Variants in ERCC2 observed in about 807,000 individuals in gnomAD.
ERCC2 encodes ERCC excision repair 2, TFIIH core complex helicase subunit.
In ERCC2, 90 loss-of-function variants were observed where a neutral mutation model predicts 99.4. The observed-to-expected ratio is 0.91, with a 90% CI of 0.76 to 1.08. The LOEUF is 1.08. Ranked by LOEUF, ERCC2 falls within the 50% of genes least tolerant of loss-of-function variation. The probability of loss-of-function intolerance (pLI) is 0.00; values close to 1 mark genes in which losing one functional copy is unlikely to be tolerated. For missense variants in ERCC2, 993 were observed against 1,038.1 expected (o/e 0.96, Z 0.60); for synonymous variants, 497 against 432.4 (o/e 1.15, Z -1.85).
In ERCC2 at chr19:45,351,071, GATGAGGCAA is replaced by G; in HGVS notation, c.*549_*557del. 6.2e-7 allele frequency: 1 copy of G among 1,613,812 alleles called. No homozygotes were observed. The highest frequency in any genetic ancestry group is 8.5e-7 in the Non-Finnish European group (1 of 1,179,888). On this transcript the variant is annotated 3_prime_UTR_variant, in exon 23 of 23. Coordinates refer to ENST00000391945, the MANE Select transcript of ERCC2 (RefSeq NM_000400.4). ...AGGAGGCCATGTGGGTAGGTGCAGA[GATGAGGCAA>G]AGGCAGGGCGGTCGGGCCAGTGGTG...
At chr19:45,364,808 C>G (rs761492594) in intron 7 of ERCC2, 30 bp downstream of exon 7, 24 of 1,542,576 alleles carry the variant, frequency 1.6e-5, no homozygotes, top group Non-Finnish European at 2.2e-5. Flanking sequence ...CTCACACTCG[C>G]CCCTCTGCCC....
intron 15 of ERCC2, among the ~76,000 whole-genome samples, chr19:45,356,379 TAC>T (rs1972013401): frequency 6.6e-6 from 1 of 152,214 alleles, no homozygotes; most frequent in African/African-American, 2.4e-5. Context: ...AGGCCTGACT[TAC>T]TCCTTAGTGT....
rs1293500658 is a variant in ERCC2, at chr19:45,354,817, C to T, written c.1578G>A (p.Glu526=). 4.3e-6 allele frequency: 7 copies of T among 1,614,128 alleles called. No homozygotes were observed. In the East Asian group the frequency reaches 1.6e-4, roughly 36 times the overall value. ...TGCCATCAGGGACCACAGCGGACAT[C>T]TCCAGCAGGAGGTTCCCATAGTTCC... ...VIRNYGNLLL[E]MSAVVPDGIV... The change falls in exon 17 of 23, where the codon GAG becomes GAA. Residue 526 remains glutamate (E), a synonymous_variant. Transcript: ENST00000391945.
intron 11 of ERCC2, among the ~76,000 whole-genome samples, chr19:45,362,538 G>T (rs1424120622): frequency 6.6e-6 from 1 of 152,208 alleles, no homozygotes; most frequent in Non-Finnish European, 1.5e-5. Context: ...GAAGCCAGGT[G>T]GGCAGTCACA....
At chr19:45,363,247 T>G (rs1490074397) in intron 11 of ERCC2, among the ~76,000 whole-genome samples, 2 of 152,090 alleles carry the variant, frequency 1.3e-5, no homozygotes, top group Admixed American at 6.5e-5. Context: ...CCCTCAGGTT[T>G]GGAAGATTAG....
At position 45,368,695 on chromosome 19, in the gene ERCC2, C is replaced by A; in HGVS notation, c.295G>T (p.Gly99Cys). 1 of 1,614,086 alleles carries A rather than the reference C, an allele frequency of 6.2e-7. No individual in the cohort carries two copies. Among genetic ancestry groups the A allele is most frequent in the Non-Finnish European group, 8.5e-7 (1 of 1,179,984 alleles). The change falls in exon 5 of 23, where the codon GGC becomes TGC. Residue 99 changes from glycine to cysteine, a missense_variant. Physicochemically the swap from Gly to Cys is radical, Grantham distance 159. This residue lies in a region of ERCC2 where 909 missense variants were observed against 930.8 expected (regional missense o/e 0.98). Coordinates refer to ENST00000391945, the MANE Select transcript of ERCC2 (RefSeq NM_000400.4). ...KLLNFYEKQEGEKLPFLGLAL... is the reference protein window; with the variant it reads ...KLLNFYEKQECEKLPFLGLAL... The stretch of plus-strand genomic sequence containing the variant: ...AGTCCCAGAAACGGCAGCTTCTCGC[C>A]CTCCTGCTTCTCATAGAAGTTGAGC...
chr19:45,350,324 C>T lies in ERCC2; in HGVS notation c.*1305G>A, dbSNP rs760592061. On this transcript the variant is annotated 3_prime_UTR_variant, in exon 23 of 23. Coordinates refer to ENST00000391945, the MANE Select transcript of ERCC2 (RefSeq NM_000400.4). Reference sequence around the variant, plus strand: ...AACTGGGGTCCGAAAAGTTCCCAGACACTCCCTTCTCCGCAGGCCTCAGCC... The same window carrying T: ...AACTGGGGTCCGAAAAGTTCCCAGATACTCCCTTCTCCGCAGGCCTCAGCC... 4.2e-5 allele frequency: 68 copies of T among 1,608,528 alleles called. No individual in the cohort carries two copies. The highest frequency in any genetic ancestry group is 5.2e-5 in the Non-Finnish European group (61 of 1,177,058).
chr19:45,351,301 C>A lies in ERCC2; in HGVS notation c.*328G>T, dbSNP rs201873145. 69 of 1,612,702 alleles carry A rather than the reference C, an allele frequency of 4.3e-5. No homozygotes were observed. The African/African-American group carries it at 8.5e-4, about 20-fold the overall frequency. ...CTGTCTCCAGTTTCCCAGCTGGCAC[C>A]TGGACAAGGCCCCTCGGACCCTCAG... On this transcript the variant is annotated 3_prime_UTR_variant, in exon 23 of 23. Transcript: ENST00000391945.
At chr19:45,360,403 A>G (rs1477434708) in intron 12 of ERCC2, among the ~76,000 whole-genome samples, 3 of 126,486 alleles carry the variant, frequency 2.4e-5, no homozygotes, top group Non-Finnish European at 4.9e-5. Flanking sequence ...TTTGAGACGA[A>G]GTCTTGCTCT....
chr19:45,365,601 A>G (rs757362417), intron 5 of ERCC2, among the ~76,000 whole-genome samples: 4 of 151,980 alleles, frequency 2.6e-5, no homozygotes, highest in Non-Finnish European at 5.9e-5. Context: ...ACAGAGTGAG[A>G]CACCATCTCA....
rs779381865 is a variant in ERCC2, at chr19:45,363,881, T to A, written c.980A>T (p.Glu327Val). ...EAVPGSIRTA[E>V]HFLGFLRRLL... ...CCGCCTCAGGAAGCCCAGGAAATGCTCGGCCGTGCGGATGGAGCCAGGCAC... is the reference window on the plus strand; with the variant it reads ...CCGCCTCAGGAAGCCCAGGAAATGCACGGCCGTGCGGATGGAGCCAGGCAC... The change falls in exon 11 of 23, where the codon GAG becomes GTG. Residue 327 changes from glutamate to valine, a missense_variant. By Grantham distance (121) the Glu-to-Val change is moderately radical. Around this residue, in one of 3 missense-constraint regions of ERCC2, gnomAD observed 909 missense variants for 930.8 expected, o/e 0.98. Coordinates refer to ENST00000391945, the MANE Select transcript of ERCC2 (RefSeq NM_000400.4). The A allele has an allele frequency of 3.9e-6, 6 of 1,550,936 alleles. No homozygotes were observed. Among genetic ancestry groups the A allele is most frequent in the African/African-American group, 1.4e-5 (1 of 73,682 alleles).
At chr19:45,354,204 C>G (rs1971933519) in intron 17 of ERCC2, among the ~76,000 whole-genome samples, 1 of 152,214 alleles carries the variant, frequency 6.6e-6, no homozygotes. Flanking sequence ...CCCTCCCACC[C>G]ATGTCCTGCT....
At position 45,351,350 on chromosome 19, in the gene ERCC2, C is replaced by T. The variant is rs1390465451; in HGVS notation, c.*279G>A. The stretch of plus-strand genomic sequence containing the variant: ...AGCGCCAGCACCCAGGACCTGAGCC[C>T]CCACTAACGTCCAGTGAACTGCGCT... On this transcript the variant is annotated 3_prime_UTR_variant, in exon 23 of 23. Transcript: ENST00000391945. 1 of 1,611,208 alleles carries T rather than the reference C, an allele frequency of 6.2e-7. No homozygotes were observed. The highest frequency in any genetic ancestry group is 1.1e-5 in the South Asian group (1 of 91,074).
rs1200340513 is a variant in ERCC2, at chr19:45,363,340, C to T, written c.1118+403G>A. 2.0e-5 allele frequency among the ~76,000 whole-genome samples: 3 copies of T among 152,160 alleles called. No homozygotes were observed. In the East Asian group the frequency reaches 5.8e-4, roughly 29 times the overall value. ...AGGCCCTGGTACTGGTTTCTGCTCC[C>T]AGCAGAAGCCCCTGTCCAGGCCCCC... On this transcript the variant is annotated intron_variant, in intron 11 of 22. Coordinates refer to ENST00000391945, the MANE Select transcript of ERCC2 (RefSeq NM_000400.4).
chr19:45,358,697 C>T (rs998135961), intron 12 of ERCC2: 10 of 669,332 alleles, frequency 1.5e-5, no homozygotes, highest in Non-Finnish European at 2.5e-5. Context: ...AAAAGTCAGC[C>T]CCTCCGAGAG....
intron 5 of ERCC2, among the ~76,000 whole-genome samples, chr19:45,366,323 G>GT (rs899499948): frequency 2.0e-5 from 3 of 151,894 alleles, no homozygotes; most frequent in Non-Finnish European, 2.9e-5. Context: ...TGTCTTTTTA[G>GT]TAGAGACAGG....
intron 1 of ERCC2, 71 bp downstream of exon 1, chr19:45,370,465 G>T: frequency 1.4e-6 from 2 of 1,430,362 alleles, no homozygotes; most frequent in Non-Finnish European, 1.9e-6. Flanking sequence ...ACCCAGGCGC[G>T]CCCACCGATG....
At position 45,350,978 on chromosome 19, in the gene ERCC2, C is replaced by T. The variant is rs781371770; in HGVS notation, c.*651G>A. 1 of 1,614,156 alleles carries T rather than the reference C, an allele frequency of 6.2e-7. No homozygotes were observed. On this transcript the variant is annotated 3_prime_UTR_variant, in exon 23 of 23. Coordinates refer to ENST00000391945, the MANE Select transcript of ERCC2 (RefSeq NM_000400.4). The stretch of plus-strand genomic sequence containing the variant: ...GAATGAAGAGAGCCATGTCACTCAA[C>T]ACACTGAACGTGGATGCTCCAAGGG...
Position 45,351,391 on chromosome 19 carries a change from G to A in ERCC2, c.*238C>T, listed in dbSNP as rs538721827. On this transcript the variant is annotated 3_prime_UTR_variant, in exon 23 of 23. Transcript: ENST00000391945. ...GAACTGCGCTGGCCGCAGCTTCTTG[G>A]GAACAGTGCAGGAGGGATGGGCTGG... The A allele has an allele frequency of 5.7e-5, 91 of 1,606,420 alleles. No individual in the cohort carries two copies. The South Asian group carries it at 9.3e-4, about 16-fold the overall frequency.
Sources: allele counts gnomAD v4.1 joint callset (sites outside exome capture counted in the v4.1 genomes callset), GRCh38; gene constraint gnomAD v4.1.1; regional missense constraint gnomAD v4.1.1; transcripts MANE v1.5; gene names NCBI Gene and HGNC (gene_info 2026-07-23, HGNC 2026-07-21).